MRPS27: variants seen among roughly 807,000 people sequenced by gnomAD.
MRPS27 encodes mitochondrial ribosomal protein S27, also known as small ribosomal subunit protein mS27.
In MRPS27, 43 loss-of-function variants were observed where a neutral mutation model predicts 48.9. That is an observed-to-expected ratio of 0.88 (90% CI 0.69 to 1.13). The LOEUF is 1.13. Ranked by LOEUF, MRPS27 falls within the 50% of genes most tolerant of loss-of-function variation. The pLI is 0.00. For missense variants in MRPS27, 467 were observed against 476.3 expected (o/e 0.98, Z 0.18); for synonymous variants, 188 against 171.9 (o/e 1.09, Z -0.73).
At chr5:72,228,025 AT>A in intron 8 of MRPS27, 6 of 535,076 alleles carry the variant, frequency 1.1e-5, no homozygotes, top group Non-Finnish European at 3.3e-6. Flanking sequence ...ACCACTGAAT[AT>A]TATTACCTAT....
At position 72,311,172 on chromosome 5, in the gene MRPS27, T is replaced by G. The variant is rs958296136; in HGVS notation, c.151+2909A>C. On this transcript the variant is annotated intron_variant, in intron 2 of 10. Transcript: ENST00000261413. ...AAACTGGGATATGAATAGTAAAGTA[T>G]TATATTAATGTCAAAATTTCCGAAG... is the stretch of plus-strand genomic sequence containing the variant. Among the ~76,000 whole-genome samples the G allele has an allele frequency of 2.6e-4, 40 of 152,194 alleles. 1 individual carries two copies. The highest frequency in any genetic ancestry group is 2.6e-3 in the Admixed American group (39 of 15,276).
At chr5:72,285,478 T>G (rs1221878094) in intron 4 of MRPS27, among the ~76,000 whole-genome samples, 2 of 152,234 alleles carry the variant, frequency 1.3e-5, no homozygotes, top group African/African-American at 2.4e-5. Flanking sequence ...TTGTTTCACG[T>G]ATCTAATGAT....
In MRPS27 at chr5:72,232,481, C is replaced by T. The variant is rs1748089045; in HGVS notation, c.553G>A (p.Val185Ile). ...VPSTQLLSLY[V>I]LFHCLAKKTD... ...TTCTTTGCCAGGCAATGAAATAAAA[C>T]ATAGAGGGAGAGAAGTTGGGTGGAA... Residue 185 changes from valine (V) to isoleucine (I), a missense_variant, in exon 7 of 11, where the codon GTT (valine) becomes ATT (isoleucine). Transcript: ENST00000261413. 1.9e-6 allele frequency: 3 copies of T among 1,612,420 alleles called. No homozygotes were observed. The highest frequency in any genetic ancestry group is 1.1e-5 in the South Asian group (1 of 91,034).
intron 2 of MRPS27, among the ~76,000 whole-genome samples, chr5:72,310,154 T>G (rs1750404914): frequency 6.6e-6 from 1 of 152,248 alleles, no homozygotes; most frequent in Non-Finnish European, 1.5e-5. Context: ...TATGCATATG[T>G]GTACATGTAT....
chr5:72,241,714 A>C (rs1253145170), intron 4 of MRPS27: 8 of 1,533,974 alleles, frequency 5.2e-6, no homozygotes, highest in Non-Finnish European at 6.1e-6. Context: ...CAAAGAGAAA[A>C]GAATACAACT....
intron 5 of MRPS27, among the ~76,000 whole-genome samples, chr5:72,237,740 C>G (rs374023539): frequency 6.6e-6 from 1 of 151,918 alleles, no homozygotes; most frequent in African/African-American, 2.4e-5. Context: ...GCTTAGCAAC[C>G]GAGAATGAAA....
At chr5:72,261,305 G>A (rs1748967475) in intron 4 of MRPS27, among the ~76,000 whole-genome samples, 1 of 152,162 alleles carries the variant, frequency 6.6e-6, no homozygotes, top group African/African-American at 2.4e-5. Flanking sequence ...AGGCTGGAGT[G>A]CAGTGGCACG....
intron 4 of MRPS27, among the ~76,000 whole-genome samples, chr5:72,290,836 C>T (rs930235290): frequency 6.6e-6 from 1 of 152,262 alleles, no homozygotes; most frequent in Admixed American, 6.5e-5. Flanking sequence ...TCTTTTTATG[C>T]CCACTGAACA....
chr5:72,309,274 T>A (rs564831105), intron 2 of MRPS27, among the ~76,000 whole-genome samples: 1 of 152,116 alleles, frequency 6.6e-6, no homozygotes. Context: ...TTGCAGACTT[T>A]TTTTTTTTTG....
At chr5:72,293,386 AG>A (rs1483937105) in intron 4 of MRPS27, among the ~76,000 whole-genome samples, 1 of 152,222 alleles carries the variant, frequency 6.6e-6, no homozygotes, top group Non-Finnish European at 1.5e-5. Context: ...TCATAGCTAA[AG>A]AACTAGTTTT....
At chr5:72,317,812 T>C (rs965041353) in intron 1 of MRPS27, among the ~76,000 whole-genome samples, 31 of 152,184 alleles carry the variant, frequency 2.0e-4, no homozygotes, top group Non-Finnish European at 3.8e-4. Flanking sequence ...CCCAGGGGGA[T>C]GGTTCTAGAA....
At chr5:72,259,513 C>G (rs1324022691) in intron 4 of MRPS27, among the ~76,000 whole-genome samples, 1 of 150,214 alleles carries the variant, frequency 6.7e-6, no homozygotes. Context: ...GGCTTCTTCA[C>G]AAGCTTCCAT....
chr5:72,279,003 C>A (rs1481093900), intron 4 of MRPS27, among the ~76,000 whole-genome samples: 3 of 152,112 alleles, frequency 2.0e-5, no homozygotes, highest in Non-Finnish European at 2.9e-5. Context: ...AAGGTATATA[C>A]CCCAGAGCAG....
rs1749143988 is a variant in MRPS27, at chr5:72,267,987, T to C, written c.281+27544A>G. On this transcript the variant is annotated intron_variant, in intron 4 of 10. Coordinates refer to ENST00000261413, the MANE Select transcript of MRPS27 (RefSeq NM_015084.3). Reference sequence around the variant, plus strand: ...GAAAGGTAATACTTAGAAATGAAAATACAGAGAGAAGAATGATTTTTAGAG... The same window carrying C: ...GAAAGGTAATACTTAGAAATGAAAACACAGAGAGAAGAATGATTTTTAGAG... 2.0e-5 allele frequency among the ~76,000 whole-genome samples: 3 copies of C among 152,036 alleles called. No homozygotes were observed. In the South Asian group the frequency reaches 6.2e-4, roughly 32 times the overall value.
At chr5:72,284,578 CAA>C (rs1203998104) in intron 4 of MRPS27, among the ~76,000 whole-genome samples, 1 of 151,872 alleles carries the variant, frequency 6.6e-6, no homozygotes, top group African/African-American at 2.4e-5. Context: ...ATATAAAATT[CAA>C]AAGTTACAAG....
chr5:72,258,998 G>T (rs2111996335), intron 4 of MRPS27, among the ~76,000 whole-genome samples: 1 of 152,118 alleles, frequency 6.6e-6, no homozygotes, highest in African/African-American at 2.4e-5. Context: ...CCAGAATTGA[G>T]CATATTATAT....
At chr5:72,232,656 G>T in intron 6 of MRPS27, 98 bp from the exon 7 acceptor site, 2 of 830,590 alleles carry the variant, frequency 2.4e-6, no homozygotes, top group Non-Finnish European at 3.7e-6. Context: ...GTGGGGCATG[G>T]TTTAAAAAAA....
intron 4 of MRPS27, among the ~76,000 whole-genome samples, chr5:72,287,748 A>G (rs1749711597): frequency 3.3e-5 from 5 of 152,258 alleles, no homozygotes; most frequent in Admixed American, 3.3e-4. Context: ...GATACCACTA[A>G]ACACATGTTG....
At chr5:72,306,877 T>C (rs755125471) in intron 2 of MRPS27, among the ~76,000 whole-genome samples, 1 of 152,150 alleles carries the variant, frequency 6.6e-6, no homozygotes, top group South Asian at 2.1e-4. Context: ...TGGTAGGGAA[T>C]TGATAATTGC....
Sources: gnomAD v4.1 joint callset for allele counts (sites outside exome capture counted in the v4.1 genomes callset) on GRCh38, gnomAD v4.1.1 for gene constraint, MANE v1.5 for transcripts, NCBI Gene and HGNC (gene_info 2026-07-23, HGNC 2026-07-21) for gene names.